The following ATL3 variants were observed in gnomAD, a reference collection of about 807,000 sequenced individuals.
ATL3 encodes the protein atlastin GTPase 3, also known as atlastin-3.
Under a neutral mutation model 69.5 loss-of-function variants are expected in ATL3, and 49 were observed. The ratio of observed to expected loss-of-function variants is 0.71; its 90% CI spans 0.56 to 0.89. The LOEUF is 0.89. Ranked by LOEUF, ATL3 falls within the 40% of genes least tolerant of loss-of-function variation. The pLI is 0.00. For synonymous variants in ATL3, 214 were observed against 224.1 expected (o/e 0.95, Z 0.40); for missense variants, 606 against 645.7 (o/e 0.94, Z 0.67).
Position 63,659,060 on chromosome 11 carries a change from A to G in ATL3, c.239T>C (p.Met80Thr). 1 of 1,614,164 alleles carries G rather than the reference A, an allele frequency of 6.2e-7. No homozygotes were observed. The highest frequency in any genetic ancestry group is 8.5e-7 in the Non-Finnish European group (1 of 1,180,008). Residue 80 changes from methionine (M) to threonine (T), a missense_variant, in exon 2 of 13, where the codon ATG becomes ACG. By Grantham distance (81) the Met-to-Thr change is moderately conservative. Coordinates refer to ENST00000398868, the MANE Select transcript of ATL3 (RefSeq NM_015459.5). ...RKGKSFILDFMLRYLYSQKES... is the reference protein window; with the variant it reads ...RKGKSFILDFTLRYLYSQKES... Reference sequence around the variant, plus strand: ...TACCTGAGAATATAAGTATCGTAGCATAAAATCCAGAATGAAGGACTTGCC... The same window carrying G: ...TACCTGAGAATATAAGTATCGTAGCGTAAAATCCAGAATGAAGGACTTGCC...
At chr11:63,648,450 T>C (rs1485850467) in intron 5 of ATL3, among the ~76,000 whole-genome samples, 1 of 152,224 alleles carries the variant, frequency 6.6e-6, no homozygotes, top group Non-Finnish European at 1.5e-5. Context: ...TATCCTCTTA[T>C]CAAAGCTCCC....
rs769232447 is a variant in ATL3 at position 63,652,514 on chromosome 11, C to G, written c.467G>C (p.Cys156Ser). ...AFDSQSTVKD[C>S]ATIFALSTMT... is the part of the protein sequence containing the mutation. ...AGTGCTTAGAGCAAAGATGGTAGCA[C>G]AGTCTTTCACAGTTGACTGGCTGTC... The change falls in exon 4 of 13, where the codon TGT becomes TCT. Residue 156 changes from cysteine to serine, a missense_variant. By Grantham distance (112) the Cys-to-Ser change is moderately radical. Coordinates refer to ENST00000398868, the MANE Select transcript of ATL3 (RefSeq NM_015459.5). 1.1e-5 allele frequency: 17 copies of G among 1,611,166 alleles called. No individual in the cohort carries two copies. Among genetic ancestry groups the G allele is most frequent in the Non-Finnish European group, 1.4e-5 (17 of 1,178,168 alleles).
chr11:63,639,823 T>A (rs1478280623), intron 8 of ATL3, among the ~76,000 whole-genome samples: 4 of 152,168 alleles, frequency 2.6e-5, no homozygotes, highest in South Asian at 2.1e-4. Context: ...TTATTTTTTT[T>A]AAATAAATAG....
chr11:63,667,435 T>C (rs1047509681), intron 1 of ATL3, among the ~76,000 whole-genome samples: 1 of 151,888 alleles, frequency 6.6e-6, no homozygotes, highest in Non-Finnish European at 1.5e-5. Flanking sequence ...GTTCAAGTGA[T>C]TCTCCCACCT....
chr11:63,665,225 A>G (rs1169687792), intron 1 of ATL3, among the ~76,000 whole-genome samples: 2 of 151,900 alleles, frequency 1.3e-5, no homozygotes, highest in African/African-American at 4.8e-5. Flanking sequence ...CATGCCTGTA[A>G]TCCCAGCTAC....
intron 6 of ATL3, 118 bp from the exon 7 acceptor site, chr11:63,644,379 T>TA: frequency 1.5e-5 from 8 of 549,474 alleles, no homozygotes; most frequent in African/African-American, 2.2e-5. Flanking sequence ...TAGAAGGATT[T>TA]ACCTTTTTTT....
intron 1 of ATL3, among the ~76,000 whole-genome samples, chr11:63,664,407 G>A (rs1474669347): frequency 1.3e-5 from 2 of 151,514 alleles, no homozygotes; most frequent in Non-Finnish European, 2.9e-5. Flanking sequence ...GGGCGTGGTG[G>A]TAGGCACCCG....
At chr11:63,671,479 C>A, upstream of ATL3, 1 of 1,466,124 alleles carries the variant, frequency 6.8e-7, no homozygotes, top group Non-Finnish European at 9.0e-7. Context: ...GCACGCGGAG[C>A]CGCGACGGAG....
chr11:63,664,617 AT>A (rs1940519636), intron 1 of ATL3, among the ~76,000 whole-genome samples: 1 of 150,302 alleles, frequency 6.7e-6, no homozygotes, highest in Admixed American at 6.6e-5. Flanking sequence ...ACAATAAGCT[AT>A]TGTTTTTTTG....
Position 63,671,331 on chromosome 11 carries a change from A to AG in ATL3, c.4_5insC (p.Leu2SerfsTer16). On this transcript the variant is annotated frameshift_variant, in exon 1 of 13. Coordinates refer to ENST00000398868, the MANE Select transcript of ATL3 (RefSeq NM_015459.5). LOFTEE classifies it high-confidence loss of function. ...AGCTGCTGCCACTCGCTGAGGGGAC[A>AG]ACATGGAGCCTCCGCCTTCAAAGCA... is the stretch of plus-strand genomic sequence containing the variant. 2.5e-6 allele frequency: 4 copies of AG among 1,585,246 alleles called. No homozygotes were observed. Among genetic ancestry groups the AG allele is most frequent in the Non-Finnish European group, 3.4e-6 (4 of 1,167,802 alleles).
At chr11:63,637,476 CTATTA>C (rs927632809) in intron 8 of ATL3, among the ~76,000 whole-genome samples, 2 of 152,014 alleles carry the variant, frequency 1.3e-5, no homozygotes, top group African/African-American at 4.8e-5. Flanking sequence ...TATTTATTTT[CTATTA>C]TCTCCTCAGA....
chr11:63,643,558 CTA>C, intron 7 of ATL3, 63 bp from the exon 8 acceptor site: 1 of 1,500,100 alleles, frequency 6.7e-7, no homozygotes, highest in Non-Finnish European at 9.1e-7. Flanking sequence ...CTAGGGACAA[CTA>C]GTATAAGGAC....
In ATL3 at chr11:63,631,181, A is replaced by G. The variant is rs370464877; in HGVS notation, c.1398T>C (p.Leu466=). The change falls in exon 12 of 13, where the codon CTT becomes CTC. Residue 466 remains leucine (L), a synonymous_variant. Coordinates refer to ENST00000398868, the MANE Select transcript of ATL3 (RefSeq NM_015459.5). ...IASGLTGFIG[L]EVVAQLFNCM... is the part of the protein sequence containing the mutation. ...AGTTGAACAACTGGGCTACAACCTC[A>G]AGACCTATGAAGCCAGTGAGGCCTG... 4 of 1,614,070 alleles carry G rather than the reference A, an allele frequency of 2.5e-6. No individual in the cohort carries two copies. The African/African-American group carries it at 5.3e-5, about 22-fold the overall frequency.
In ATL3 at chr11:63,659,052, A is replaced by G. The variant is rs1940343471; in HGVS notation, c.247T>C (p.Tyr83His). 6.2e-7 allele frequency: 1 copy of G among 1,614,138 alleles called. No homozygotes were observed. Among genetic ancestry groups the G allele is most frequent in the African/African-American group, 1.3e-5 (1 of 75,062 alleles). ...TTCTATCTTACCTGAGAATATAAGTATCGTAGCATAAAATCCAGAATGAAG... is the reference window on the plus strand; with the variant it reads ...TTCTATCTTACCTGAGAATATAAGTGTCGTAGCATAAAATCCAGAATGAAG... Reference protein sequence around the residue: ...KSFILDFMLRYLYSQKESGHS... With the variant: ...KSFILDFMLRHLYSQKESGHS... The change falls in exon 2 of 13, where the codon TAC (tyrosine) becomes CAC (histidine). Residue 83 changes from tyrosine (Y) to histidine (H), a missense_variant. Tyr to His is a moderately conservative substitution (Grantham distance 83). Coordinates refer to ENST00000398868, the MANE Select transcript of ATL3 (RefSeq NM_015459.5).
chr11:63,658,811 T>A lies in ATL3; in HGVS notation c.355A>T (p.Ile119Phe). The A allele has an allele frequency of 1.9e-6, 3 of 1,612,702 alleles. No individual in the cohort carries two copies. Among genetic ancestry groups the A allele is most frequent in the South Asian group, 1.1e-5 (1 of 90,584 alleles). The change falls in exon 3 of 13, where the codon ATT becomes TTT. Residue 119 changes from isoleucine to phenylalanine, a missense_variant. Physicochemically the swap from Ile to Phe is conservative, Grantham distance 21. Transcript: ENST00000398868. ...RGGSDPETTG[I>F]QIWSEVFTVE... ...GTGAAAACTTCACTCCAGATTTGAATCCCAGTGGTTTCTGGATCAGATCCC... is the reference window on the plus strand; with the variant it reads ...GTGAAAACTTCACTCCAGATTTGAAACCCAGTGGTTTCTGGATCAGATCCC...
At chr11:63,632,419 G>A in intron 11 of ATL3, 1 of 840,200 alleles carries the variant, frequency 1.2e-6, no homozygotes, top group East Asian at 2.4e-5. Context: ...CCAAAGAGGT[G>A]ACATTGTGAT....
rs986179243 is a variant in ATL3 at position 63,625,385 on chromosome 11, T to A, written c.*3934A>T. On this transcript the variant is annotated 3_prime_UTR_variant, in exon 13 of 13. Transcript: ENST00000398868. ...GAAAAAAGTCCTGTGAAGACTTCCATGTAAGTTACATCATTTTTTAAAAGA... is the reference window on the plus strand; with the variant it reads ...GAAAAAAGTCCTGTGAAGACTTCCAAGTAAGTTACATCATTTTTTAAAAGA... 2 of 152,218 alleles carry A rather than the reference T, an allele frequency of 1.3e-5. No individual in the cohort carries two copies. Among genetic ancestry groups the A allele is most frequent in the African/African-American group, 4.8e-5 (2 of 41,470 alleles). 9.4% of individuals were successfully genotyped at this position (152,218 alleles called of 1,614,324 possible). A position where few individuals can be genotyped will look rare whatever the true frequency, so the allele number is the denominator to read the frequency against.
At chr11:63,639,443 T>C (rs183937842) in intron 8 of ATL3, among the ~76,000 whole-genome samples, 1 of 152,314 alleles carries the variant, frequency 6.6e-6, no homozygotes, top group Admixed American at 6.5e-5. Context: ...GTTTTTCAAA[T>C]CTTTCCACTT....
rs1254213240 is a variant in ATL3 at position 63,657,208 on chromosome 11, C to CAAAAAAAAAAAAAAAAAAA, written c.405+1534_405+1552dup. ...TGGGCAACAGAGTGAGACTACATCT[C>CAAAAAAAAAAAAAAAAAAA]AAAAAAAAAAAAAAAAAAAGGACAA... is the stretch of plus-strand genomic sequence containing the variant. On this transcript the variant is annotated intron_variant, in intron 3 of 12. Coordinates refer to ENST00000398868, the MANE Select transcript of ATL3 (RefSeq NM_015459.5). Among the ~76,000 whole-genome samples, 56 of 59,900 alleles carry CAAAAAAAAAAAAAAAAAAA rather than the reference C, an allele frequency of 9.3e-4. 1 individual carries two copies. The highest frequency in any genetic ancestry group is 3.2e-3 in the African/African-American group (50 of 15,574). The allele number at this position is 59,900 out of a possible 152,430, so 39.3% of individuals were successfully genotyped here. A position where few individuals can be genotyped will look rare whatever the true frequency, so the allele number is the denominator to read the frequency against.
Sources: allele counts gnomAD v4.1 joint callset (sites outside exome capture counted in the v4.1 genomes callset), GRCh38; gene constraint gnomAD v4.1.1; transcripts MANE v1.5; gene names NCBI Gene and HGNC (gene_info 2026-07-23, HGNC 2026-07-21).